The following ALG3 variants were observed in gnomAD, a reference collection of about 807,000 sequenced individuals.
The protein encoded by ALG3 is dol-P-Man:Man(5)GlcNAc(2)-PP-Dol alpha-1,3-mannosyltransferase.
A neutral mutation model predicts 50.5 loss-of-function variants in ALG3; 39 were observed. That is an observed-to-expected ratio of 0.77 (90% CI 0.60 to 1.01). The LOEUF is 1.01. ALG3 is among the 50% of genes least tolerant of loss of function. The pLI is 0.00. For missense variants in ALG3, 520 were observed against 554.8 expected (o/e 0.94, Z 0.63); for synonymous variants, 252 against 237.2 (o/e 1.06, Z -0.58).
chr3:184,243,562 G>A lies in ALG3; in HGVS notation c.1001C>T (p.Thr334Ile), dbSNP rs368422087. The A allele has an allele frequency of 1.2e-6, 2 of 1,613,892 alleles. No individual in the cohort carries two copies. Among genetic ancestry groups the A allele is most frequent in the South Asian group, 2.2e-5 (2 of 91,074 alleles). The change falls in exon 7 of 9, where the codon ACA (threonine) becomes ATA (isoleucine). Residue 334 changes from threonine (T) to isoleucine (I), a missense_variant. Thr to Ile is a moderately conservative substitution (Grantham distance 89). This residue lies in a region of ALG3 where 224 missense variants were observed against 272.8 expected (regional missense o/e 0.82). Transcript: ENST00000397676. ...SKRKVPPQPL[T>I]PNQIVSTLFT... is the part of the protein sequence containing the mutation. ...CACAATTTAAAGGATATGGTTGGGT[G>A]TAAGGGGCTGGGGTGGAACCTTCCT...
chr3:184,248,452 G>A (rs1719300554), intron 1 of ALG3, among the ~76,000 whole-genome samples: 1 of 152,102 alleles, frequency 6.6e-6, no homozygotes, highest in Admixed American at 6.5e-5. Flanking sequence ...GAGAAAAGCA[G>A]CAGCAGCAGC....
At chr3:184,249,413 T>C (rs1229562863), upstream of ALG3, 4 of 1,051,286 alleles carry the variant, frequency 3.8e-6, no homozygotes, top group Non-Finnish European at 5.5e-6. Context: ...TCATTCATAT[T>C]GAAAATATGA....
chr3:184,242,645 A>C lies in ALG3; in HGVS notation c.1186T>G (p.Trp396Gly). The change falls in exon 9 of 9, where the codon TGG becomes GGG. Residue 396 changes from tryptophan to glycine, a missense_variant. Physicochemically the swap from Trp to Gly is radical, Grantham distance 184 (BLOSUM62 -2). Around this residue, in one of 3 missense-constraint regions of ALG3, gnomAD observed 224 missense variants for 272.8 expected, o/e 0.82. Coordinates refer to ENST00000397676, the MANE Select transcript of ALG3 (RefSeq NM_005787.6). ...LLVLGLIELS[W>G]NTYPSTSCSS... ...CAGGATGTGGAAGGGTATGTGTTCC[A>C]GGAGAGCTCGATGAGCCCCAGCACC... 6.4e-7 allele frequency: 1 copy of C among 1,564,392 alleles called. No homozygotes were observed.
In ALG3 at chr3:184,245,720, G is replaced by A; in HGVS notation, c.289C>T (p.Pro97Ser). ...CTTCCTGTCCCCACTCACACAAGTG[G>A]TCCGGTGTCACCCTGCAGTTGGGTA... ...DYTQLQGDTG[P>S]LVYPAGFVYI... The change falls in exon 2 of 9, where the codon CCA becomes TCA. Residue 97 changes from proline (P) to serine (S), a missense_variant. By Grantham distance (74) the Pro-to-Ser change is moderately conservative (BLOSUM62 -1). Transcript: ENST00000397676. The A allele has an allele frequency of 6.2e-7, 1 of 1,613,198 alleles. No individual in the cohort carries two copies. Among genetic ancestry groups the A allele is most frequent in the South Asian group, 1.1e-5 (1 of 91,038 alleles).
Position 184,244,673 on chromosome 3 carries a change from T to A in ALG3, c.654A>T (p.Leu218Phe), listed in dbSNP as rs745856346. ...KMNVLLFAPG[L>F]LFLLLTQFGF... ...CAAACTGTGTGAGGAGAAGAAACAG[T>A]AACCCAGGGGCGAAGAGCAGCACAT... Residue 218 changes from leucine (L) to phenylalanine (F), a missense_variant, in exon 5 of 9, where the codon TTA becomes TTT. Physicochemically the swap from Leu to Phe is conservative, Grantham distance 22. Around this residue, in one of 3 missense-constraint regions of ALG3, gnomAD observed 224 missense variants for 272.8 expected, o/e 0.82. Coordinates refer to ENST00000397676, the MANE Select transcript of ALG3 (RefSeq NM_005787.6). 1.6e-5 allele frequency: 26 copies of A among 1,610,530 alleles called. No homozygotes were observed. Among genetic ancestry groups the A allele is most frequent in the Non-Finnish European group, 2.2e-5 (26 of 1,178,578 alleles).
upstream of ALG3, chr3:184,249,181 C>A: frequency 3.8e-6 from 6 of 1,599,726 alleles, no homozygotes; most frequent in Non-Finnish European, 5.1e-6. Context: ...GGTACACAGG[C>A]GCTAATTTAG....
intron 1 of ALG3, among the ~76,000 whole-genome samples, chr3:184,247,915 G>A (rs1349221855): frequency 2.0e-5 from 3 of 150,474 alleles, no homozygotes; most frequent in Non-Finnish European, 4.4e-5. Flanking sequence ...GCGTGATCTC[G>A]GCTCACTGAA....
chr3:184,247,035 G>C (rs758166510), intron 1 of ALG3, among the ~76,000 whole-genome samples: 2 of 152,140 alleles, frequency 1.3e-5, no homozygotes, highest in Non-Finnish European at 2.9e-5. Flanking sequence ...CTCCCAAGTA[G>C]CTGGGATTAC....
chr3:184,244,390 T>TA (rs1560163385), intron 5 of ALG3: 3 of 636,330 alleles, frequency 4.7e-6, no homozygotes, highest in Non-Finnish European at 7.6e-6. Flanking sequence ...AACTTAAAAT[T>TA]AAAAAAAGCA....
At chr3:184,243,461 C>T (rs1009675576) in intron 7 of ALG3, 93 bp downstream of exon 7, 58 of 1,229,740 alleles carry the variant, frequency 4.7e-5, no homozygotes, top group African/African-American at 5.9e-5. Context: ...CCCCTTTCCT[C>T]GCCCAGGTCA....
intron 1 of ALG3, among the ~76,000 whole-genome samples, chr3:184,246,158 T>C (rs778583604): frequency 1.2e-4 from 19 of 152,204 alleles, no homozygotes; most frequent in Non-Finnish European, 2.1e-4. Flanking sequence ...TTCTGCCTGT[T>C]CCTCACCGTA....
At position 184,245,484 on chromosome 3, in the gene ALG3, T is replaced by C; in HGVS notation, c.428A>G (p.Tyr143Cys). ...LATLLLVFLI[Y>C]HQTCKVPPFV... ...TGGACTCACCTTGCAGGTCTGGTGATAGATCAAGAAGACAAGCAGCAAGGT... is the reference window on the plus strand; with the variant it reads ...TGGACTCACCTTGCAGGTCTGGTGACAGATCAAGAAGACAAGCAGCAAGGT... The change falls in exon 3 of 9, where the codon TAT becomes TGT. Residue 143 changes from tyrosine to cysteine, a missense_variant. Physicochemically the swap from Tyr to Cys is radical, Grantham distance 194. Transcript: ENST00000397676. The C allele has an allele frequency of 1.2e-6, 2 of 1,613,960 alleles. No homozygotes were observed. Among genetic ancestry groups the C allele is most frequent in the Non-Finnish European group, 8.5e-7 (1 of 1,179,868 alleles).
At chr3:184,244,199 A>G in intron 5 of ALG3, 1 of 603,684 alleles carries the variant, frequency 1.7e-6, no homozygotes, top group Non-Finnish European at 2.9e-6. Context: ...GGCAGGTCAT[A>G]ACAATGCTTT....
In ALG3 at chr3:184,244,721, G is replaced by C. The variant is rs749641979; in HGVS notation, c.606C>G (p.Ser202Arg). ...QRWGWGCCFF[S>R]LAVSVKMNVL... Reference sequence around the variant, plus strand: ...CATTCATCTTCACAGAGACTGCCAGGCTGGGGTGAGCAGGGGAGAGGAAGG... The same window carrying C: ...CATTCATCTTCACAGAGACTGCCAGCCTGGGGTGAGCAGGGGAGAGGAAGG... Residue 202 changes from serine to arginine, a missense_variant and splice_region_variant, in exon 5 of 9, where the codon AGC becomes AGG. Transcript: ENST00000397676. 6.2e-7 allele frequency: 1 copy of C among 1,608,538 alleles called. No individual in the cohort carries two copies. The highest frequency in any genetic ancestry group is 1.3e-5 in the African/African-American group (1 of 74,736).
intron 1 of ALG3, 58 bp downstream of exon 1, chr3:184,248,686 GT>G: frequency 1.4e-6 from 2 of 1,460,658 alleles, no homozygotes; most frequent in Non-Finnish European, 1.8e-6. Flanking sequence ...CTGAGATCCA[GT>G]TTGGGTCGCG....
rs937879954 is a variant in ALG3, at chr3:184,243,722, C to T, written c.932+69G>A. On this transcript the variant is annotated intron_variant, in intron 6 of 8. Transcript: ENST00000397676. ...GAGCTTAACTGACACTTCCCCCAAG[C>T]AGCCCCTAAGGCTTAGGCCCTTCAC... 43 of 1,592,952 alleles carry T rather than the reference C, an allele frequency of 2.7e-5. 2 individuals carry two copies. The South Asian group carries it at 4.8e-4, about 18-fold the overall frequency.
chr3:184,242,708 C>G (rs758163428), intron 8 of ALG3, 32 bp from the exon 9 acceptor site: 1 of 1,567,480 alleles, frequency 6.4e-7, no homozygotes, highest in South Asian at 1.2e-5. Flanking sequence ...CACGTTTCAT[C>G]CAGTTGCAAG....
upstream of ALG3, chr3:184,249,095 T>C: frequency 6.8e-7 from 1 of 1,476,452 alleles, no homozygotes; most frequent in South Asian, 1.2e-5. Context: ...TTTTTCTGCA[T>C]TTGTCTCCTC....
chr3:184,246,829 A>G (rs954052708), intron 1 of ALG3, among the ~76,000 whole-genome samples: 7 of 151,908 alleles, frequency 4.6e-5, no homozygotes, highest in Admixed American at 1.3e-4. Flanking sequence ...GGTGTGTGCC[A>G]CCATGCTTGG....
Sources: allele counts gnomAD v4.1 joint callset (sites outside exome capture counted in the v4.1 genomes callset), GRCh38; gene constraint gnomAD v4.1.1; regional missense constraint gnomAD v4.1.1; transcripts MANE v1.5; gene names NCBI Gene and HGNC (gene_info 2026-07-23, HGNC 2026-07-21).